The following CDH4 variants were observed in gnomAD, a reference collection of about 807,000 sequenced individuals.
CDH4 encodes the protein cadherin 4.
A neutral mutation model predicts 86.0 loss-of-function variants in CDH4; 33 were observed. The observed-to-expected ratio is 0.38, with a 90% confidence interval of 0.29 to 0.51. CDH4 has a LOEUF of 0.51. Ranked by LOEUF, CDH4 falls within the 20% of genes least tolerant of loss-of-function variation. The pLI is 0.86. For synonymous variants in CDH4, 555 were observed against 549.4 expected (o/e 1.01, Z -0.14); for missense variants, 1,114 against 1,307.4 (o/e 0.85, Z 2.28).
Position 61,556,174 on chromosome 20 carries a change from G to A in CDH4, c.170-187389G>A, listed in dbSNP as rs529324238. Reference sequence around the variant, plus strand: ...TTCAGCAACAAGAATGTGCATTTGTGCATTGGTGTTTTCAAAGCTTGGATC... The same window carrying A: ...TTCAGCAACAAGAATGTGCATTTGTACATTGGTGTTTTCAAAGCTTGGATC... On this transcript the variant is annotated intron_variant, in intron 2 of 15. Transcript: ENST00000614565. Among the ~76,000 whole-genome samples the A allele has an allele frequency of 2.6e-4, 39 of 152,334 alleles. No individual in the cohort carries two copies. In the South Asian group the frequency reaches 5.0e-3, roughly 19 times the overall value.
chr20:61,546,337 GTA>G lies in CDH4; in HGVS notation c.170-197222_170-197221del, dbSNP rs1412181928. On this transcript the variant is annotated intron_variant, in intron 2 of 15. Transcript: ENST00000614565. ...GTGCAGAGGTGTGTGTGTGAGGTGT[GTA>G]TATGCGTGTGTGTGGTATGCATGTG... Among the ~76,000 whole-genome samples the G allele has an allele frequency of 2.4e-4, 36 of 150,818 alleles. No individual in the cohort carries two copies. The South Asian group carries it at 6.5e-3, about 27-fold the overall frequency.
At chr20:61,926,906 G>C (rs549811392) in intron 11 of CDH4, among the ~76,000 whole-genome samples, 112 of 152,296 alleles carry the variant, frequency 7.4e-4, no homozygotes, top group African/African-American at 2.5e-3. Context: ...GTGATTGTGA[G>C]GCCGCAGCTG....
chr20:61,534,213 A>G (rs981905449), intron 2 of CDH4, among the ~76,000 whole-genome samples: 41 of 152,334 alleles, frequency 2.7e-4, no homozygotes, highest in Admixed American at 3.9e-4. Context: ...TGCTATGGAA[A>G]TATTACTTTG....
chr20:61,336,719 G>T (rs1445803512), intron 2 of CDH4, among the ~76,000 whole-genome samples: 1 of 152,136 alleles, frequency 6.6e-6, no homozygotes, highest in Non-Finnish European at 1.5e-5. Context: ...TCAGAGGGTC[G>T]ATTGCCCAAT....
At chr20:61,262,485 T>C (rs904830926) in intron 2 of CDH4, among the ~76,000 whole-genome samples, 1 of 152,156 alleles carries the variant, frequency 6.6e-6, no homozygotes, top group South Asian at 2.1e-4. Context: ...TCACTTCCAC[T>C]CTGGGACTGC....
chr20:61,706,964 T>C (rs1311077663), intron 2 of CDH4, among the ~76,000 whole-genome samples: 1 of 152,264 alleles, frequency 6.6e-6, no homozygotes, highest in East Asian at 1.9e-4. Context: ...TCCTGGATTC[T>C]GATTGCCTTC....
chr20:61,537,534 G>A (rs944164159), intron 2 of CDH4, among the ~76,000 whole-genome samples: 26 of 152,194 alleles, frequency 1.7e-4, no homozygotes, highest in Admixed American at 3.9e-4. Flanking sequence ...CTTTCTCCAC[G>A]GTAAACATAA....
At chr20:61,360,370 A>C (rs778677801) in intron 2 of CDH4, among the ~76,000 whole-genome samples, 37 of 152,214 alleles carry the variant, frequency 2.4e-4, no homozygotes, top group Admixed American at 1.2e-3. Flanking sequence ...GGAGCAGGGC[A>C]GAAGAACATT....
intron 2 of CDH4, among the ~76,000 whole-genome samples, chr20:61,621,047 G>A (rs1168772034): frequency 6.6e-6 from 1 of 152,232 alleles, no homozygotes; most frequent in Non-Finnish European, 1.5e-5. Context: ...GTTGGCATCT[G>A]TTTCTGTTTT....
rs2145888757 is a variant in CDH4 at position 61,703,804 on chromosome 20, A to C, written c.170-39759A>C. On this transcript the variant is annotated intron_variant, in intron 2 of 15. Transcript: ENST00000614565. This position sits in a 1 kb window ranked among gnomAD's most constrained non-coding sequence, Gnocchi z 4.3. Reference sequence around the variant, plus strand: ...CCCTGACTGTGTCCTTTTCATTTTAATTTTAAGCACATGGGATTTAAACAA... The same window carrying C: ...CCCTGACTGTGTCCTTTTCATTTTACTTTTAAGCACATGGGATTTAAACAA... 6.6e-6 allele frequency among the ~76,000 whole-genome samples: 1 copy of C among 152,326 alleles called. No individual in the cohort carries two copies. Among genetic ancestry groups the C allele is most frequent in the South Asian group, 2.1e-4 (1 of 4,824 alleles).
chr20:61,652,131 T>C (rs2087127901), intron 2 of CDH4, among the ~76,000 whole-genome samples: 1 of 152,216 alleles, frequency 6.6e-6, no homozygotes, highest in Admixed American at 6.5e-5. Context: ...TGCCAGCGCT[T>C]TTAATGTCAC....
At chr20:61,888,284 G>A (rs1026965747) in intron 7 of CDH4, among the ~76,000 whole-genome samples, 1 of 152,190 alleles carries the variant, frequency 6.6e-6, no homozygotes, top group Non-Finnish European at 1.5e-5. Flanking sequence ...GGTTCTCATT[G>A]GCAAGCCTGT....
chr20:61,587,327 G>A (rs538959369), intron 2 of CDH4, among the ~76,000 whole-genome samples: 15 of 152,238 alleles, frequency 9.9e-5, no homozygotes, highest in South Asian at 2.1e-4. Context: ...CACCTCTGCC[G>A]TCTGGTTTCT....
At chr20:61,404,767 C>G (rs2085071149) in intron 2 of CDH4, among the ~76,000 whole-genome samples, 1 of 150,496 alleles carries the variant, frequency 6.6e-6, no homozygotes, top group African/African-American at 2.4e-5. Context: ...AGAAAAAGCT[C>G]AGGCTGGGCG....
intron 2 of CDH4, among the ~76,000 whole-genome samples, chr20:61,634,113 C>T (rs981029678): frequency 2.6e-5 from 4 of 152,184 alleles, no homozygotes; most frequent in Non-Finnish European, 4.4e-5. Context: ...TGATCCAACT[C>T]AGTGGGTTGT....
At position 61,708,514 on chromosome 20, in the gene CDH4, G is replaced by A. The variant is rs1313277697; in HGVS notation, c.170-35049G>A. The stretch of plus-strand genomic sequence containing the variant: ...GCCCCGGGCTCCCAGTTTGACACCC[G>A]GCCACACAGCCCTGACTCGTAGCCG... On this transcript the variant is annotated intron_variant, in intron 2 of 15. Coordinates refer to ENST00000614565, the MANE Select transcript of CDH4 (RefSeq NM_001794.5). This position sits in a 1 kb window ranked among gnomAD's most constrained non-coding sequence, Gnocchi z 4.5. Among the ~76,000 whole-genome samples the A allele has an allele frequency of 2.0e-5, 3 of 152,208 alleles. No individual in the cohort carries two copies. The highest frequency in any genetic ancestry group is 2.1e-4 in the South Asian group (1 of 4,824).
intron 2 of CDH4, among the ~76,000 whole-genome samples, chr20:61,724,466 C>T (rs6142675): frequency 0.34 from 51,364 of 152,200 alleles, 9,890 homozygotes; most frequent in South Asian, 0.54. Flanking sequence ...CTGCCCCCTG[C>T]ACTCCCGTGG....
At chr20:61,264,049 G>GCCAAGTCC (rs1443145660) in intron 2 of CDH4, among the ~76,000 whole-genome samples, 1 of 152,108 alleles carries the variant, frequency 6.6e-6, no homozygotes, top group Non-Finnish European at 1.5e-5. Context: ...AGTCACCTCT[G>GCCAAGTCC]CCAAGTCCCC....
At chr20:61,773,393 T>C (rs1164623970) in intron 4 of CDH4, among the ~76,000 whole-genome samples, 1 of 152,170 alleles carries the variant, frequency 6.6e-6, no homozygotes, top group East Asian at 1.9e-4. Context: ...CTTTGTGAGT[T>C]AGGGGTGATT....
Sources: allele counts gnomAD v4.1 joint callset (sites outside exome capture counted in the v4.1 genomes callset), GRCh38; gene constraint gnomAD v4.1.1; non-coding constraint Gnocchi (gnomAD v3.1); transcripts MANE v1.5; gene names NCBI Gene and HGNC (gene_info 2026-07-23, HGNC 2026-07-21).